SPINT2: variants seen among roughly 807,000 people sequenced by gnomAD.
The protein encoded by SPINT2 is serine peptidase inhibitor, Kunitz type 2.
In SPINT2, 18 loss-of-function variants were observed where a neutral mutation model predicts 30.1. The ratio of observed to expected loss-of-function variants is 0.60; its 90% CI spans 0.41 to 0.89. The LOEUF (loss-of-function observed/expected upper bound fraction) is 0.89. SPINT2 is among the 40% of genes least tolerant of loss of function. The pLI is 0.00. For missense variants in SPINT2, 276 were observed against 334.3 expected (o/e 0.83, Z 1.36); for synonymous variants, 139 against 137.9 (o/e 1.01, Z -0.05).
chr19:38,291,753 C>T (rs970649175), intron 6 of SPINT2, 87 bp from the exon 7 acceptor site: 37 of 1,521,980 alleles, frequency 2.4e-5, no homozygotes, highest in Non-Finnish European at 2.8e-5. Context: ...GCTGAGCCCA[C>T]CTGGATTCCC....
In SPINT2 at chr19:38,289,484, CAAAAAAAAAA is replaced by C. The variant is rs58140440; in HGVS notation, c.391+313_391+322del. The C allele has an allele frequency of 1.2e-3, 45 of 36,068 alleles. 1 individual carries two copies. The highest frequency in any genetic ancestry group is 4.4e-3 in the Admixed American group (12 of 2,754). 2.2% of individuals were successfully genotyped at this position (36,068 alleles called of 1,614,324 possible). Reference sequence around the variant, plus strand: ...TGGGCAACAGAGTGAGACTCTGTCTCAAAAAAAAAAAAAAAAAAAAAAAAAAAAACTCCGA... The same window carrying C: ...TGGGCAACAGAGTGAGACTCTGTCTCAAAAAAAAAAAAAAAAAAACTCCGA... On this transcript the variant is annotated intron_variant, in intron 4 of 6. Coordinates refer to ENST00000301244, the MANE Select transcript of SPINT2 (RefSeq NM_021102.4).
chr19:38,269,650 G>A (rs1216387420), intron 1 of SPINT2, among the ~76,000 whole-genome samples: 3 of 135,666 alleles, frequency 2.2e-5, no homozygotes, highest in South Asian at 2.3e-4. Context: ...TCGCTCTGTC[G>A]CCCAGGCCGG....
At position 38,283,643 on chromosome 19, in the gene SPINT2, G is replaced by A. The variant is rs1317452578; in HGVS notation, c.123G>A (p.Ser41=). 5.0e-6 allele frequency: 8 copies of A among 1,613,908 alleles called. No homozygotes were observed. The highest frequency in any genetic ancestry group is 3.3e-4 in the Middle Eastern group (2 of 6,078). Residue 41 remains serine, a synonymous_variant, in exon 2 of 7, where the codon TCG becomes TCA. Transcript: ENST00000301244. ...GCGTTTCAGACTTCTGCCTGGTGTC[G>A]AAGGTGGTGGGCAGATGCCGGGCCT... ...ERSIHDFCLV[S]KVVGRCRASM...
intron 1 of SPINT2, among the ~76,000 whole-genome samples, chr19:38,283,290 G>A (rs1968601745): frequency 6.6e-6 from 1 of 152,208 alleles, no homozygotes; most frequent in South Asian, 2.1e-4. Flanking sequence ...ACTCCAGCCT[G>A]GCGATGGAGT....
At chr19:38,268,241 CAA>C (rs898512534) in intron 1 of SPINT2, among the ~76,000 whole-genome samples, 3 of 152,060 alleles carry the variant, frequency 2.0e-5, no homozygotes, top group Admixed American at 6.6e-5. Flanking sequence ...ACGGGCCGGA[CAA>C]AGAGTGTCCT....
Position 38,290,004 on chromosome 19 carries a change from C to G in SPINT2, c.392-115C>G. On this transcript the variant is annotated intron_variant, in intron 4 of 6. Coordinates refer to ENST00000301244, the MANE Select transcript of SPINT2 (RefSeq NM_021102.4). This position sits in a 1 kb window ranked among gnomAD's most constrained non-coding sequence, Gnocchi z 4.3. ...GGGTGTAATTTACAGGCTTCTTTAC[C>G]AGAGAGATGTTTCTCCGTCTGCTGG... 8.6e-7 allele frequency: 1 copy of G among 1,161,600 alleles called. No individual in the cohort carries two copies. The highest frequency in any genetic ancestry group is 1.2e-5 in the South Asian group (1 of 80,556). 72.0% of individuals were successfully genotyped at this position (1,161,600 alleles called of 1,614,324 possible). A position where few individuals can be genotyped will look rare whatever the true frequency, so the allele number is the denominator to read the frequency against.
intron 6 of SPINT2, chr19:38,291,593 G>A: frequency 1.5e-5 from 8 of 529,478 alleles, no homozygotes; most frequent in Non-Finnish European, 2.7e-5. Context: ...TGACTACTCT[G>A]CTGGCGACAC....
In SPINT2 at chr19:38,290,129, C is replaced by T. The variant is rs376894698; in HGVS notation, c.402C>T (p.Thr134=). 138 of 1,612,392 alleles carry T rather than the reference C, an allele frequency of 8.6e-5. 1 individual carries two copies. The Middle Eastern group carries it at 1.1e-3, about 12-fold the overall frequency. The change falls in exon 5 of 7, where the codon ACC becomes ACT. Residue 134 remains threonine, a synonymous_variant. Transcript: ENST00000301244. This position sits in a 1 kb window ranked among gnomAD's most constrained non-coding sequence, Gnocchi z 4.3. ...CTGTCTTACTCCTAGAATACTGCAC[C>T]GCCAACGCAGTCACTGGGCCTTGCC... is the stretch of plus-strand genomic sequence containing the variant. ...SDMFNYEEYC[T]ANAVTGPCRA...
intron 4 of SPINT2, chr19:38,289,416 C>T (rs974861504): frequency 1.4e-5 from 5 of 345,300 alleles, no homozygotes; most frequent in Admixed American, 1.2e-4. Flanking sequence ...GCCTGGGAGG[C>T]GGAGGGTGCA....
chr19:38,290,160 T>C lies in SPINT2; in HGVS notation c.433T>C (p.Ser145Pro). 9 of 1,612,658 alleles carry C rather than the reference T, an allele frequency of 5.6e-6. No individual in the cohort carries two copies. The highest frequency in any genetic ancestry group is 5.9e-6 in the Non-Finnish European group (7 of 1,180,030). The change falls in exon 5 of 7, where the codon TCC (serine) becomes CCC (proline). Residue 145 changes from serine (S) to proline (P), a missense_variant. Ser to Pro is a moderately conservative substitution (Grantham distance 74, BLOSUM62 -1). Coordinates refer to ENST00000301244, the MANE Select transcript of SPINT2 (RefSeq NM_021102.4). The surrounding 1 kb of genome is among the most constrained non-coding windows in gnomAD (Gnocchi z 4.3). ...CGCAGTCACTGGGCCTTGCCGTGCA[T>C]CCTTCCCACGCTGGTACTTTGACGT... The part of the protein sequence containing the change: ...ANAVTGPCRA[S>P]FPRWYFDVER...
Position 38,290,011 on chromosome 19 carries a change from A to C in SPINT2, c.392-108A>C. ...ATTTACAGGCTTCTTTACCAGAGAGATGTTTCTCCGTCTGCTGGAGCCGCA... is the reference window on the plus strand; with the variant it reads ...ATTTACAGGCTTCTTTACCAGAGAGCTGTTTCTCCGTCTGCTGGAGCCGCA... On this transcript the variant is annotated intron_variant, in intron 4 of 6. Transcript: ENST00000301244. This position sits in a 1 kb window ranked among gnomAD's most constrained non-coding sequence, Gnocchi z 4.3. 2 of 1,196,990 alleles carry C rather than the reference A, an allele frequency of 1.7e-6. No homozygotes were observed. The highest frequency in any genetic ancestry group is 2.5e-5 in the South Asian group (2 of 81,524). The allele number at this position is 1,196,990 out of a possible 1,614,324, so 74.1% of individuals were successfully genotyped here.
At chr19:38,271,211 GC>G (rs1469185292) in intron 1 of SPINT2, among the ~76,000 whole-genome samples, 2 of 152,186 alleles carry the variant, frequency 1.3e-5, no homozygotes, top group African/African-American at 4.8e-5. Flanking sequence ...TGAGGGCGAG[GC>G]CGGGCGCGGT....
At chr19:38,273,425 A>G (rs189710202) in intron 1 of SPINT2, among the ~76,000 whole-genome samples, 13 of 151,172 alleles carry the variant, frequency 8.6e-5, no homozygotes, top group African/African-American at 3.2e-4. Context: ...GTTTTCTTGA[A>G]CTCCTGACTT....
chr19:38,281,552 A>C (rs557577156), intron 1 of SPINT2, among the ~76,000 whole-genome samples: 15 of 152,142 alleles, frequency 9.9e-5, no homozygotes, highest in Non-Finnish European at 1.9e-4. Flanking sequence ...TCTACTAAAA[A>C]TACAAAATTA....
intron 1 of SPINT2, among the ~76,000 whole-genome samples, chr19:38,269,070 C>T (rs945578971): frequency 6.6e-6 from 1 of 151,934 alleles, no homozygotes; most frequent in Non-Finnish European, 1.5e-5. Context: ...GGCTTAAGGT[C>T]TTTTGTTTTT....
At chr19:38,283,600 C>CTA in intron 1 of SPINT2, 27 bp from the exon 2 acceptor site, 1 of 1,613,654 alleles carries the variant, frequency 6.2e-7, no homozygotes, top group Non-Finnish European at 8.5e-7. Flanking sequence ...CCCTGCCAAG[C>CTA]TAACCGGGTT....
In SPINT2 at chr19:38,287,942, T is replaced by C; in HGVS notation, c.337+7T>C. ...GATTCCTCTGTCCCAAGTGGTAGGT[T>C]CTTAAAGAGACCCGCGATGGAGTGA... is the stretch of plus-strand genomic sequence containing the variant. On this transcript the variant is annotated splice_region_variant and intron_variant, in intron 3 of 6. Coordinates refer to ENST00000301244, the MANE Select transcript of SPINT2 (RefSeq NM_021102.4). 1 of 1,614,146 alleles carries C rather than the reference T, an allele frequency of 6.2e-7. No homozygotes were observed. The highest frequency in any genetic ancestry group is 8.5e-7 in the Non-Finnish European group (1 of 1,179,990).
chr19:38,284,705 TC>T (rs1288170871), intron 2 of SPINT2, among the ~76,000 whole-genome samples: 1 of 152,148 alleles, frequency 6.6e-6, no homozygotes, highest in Non-Finnish European at 1.5e-5. Flanking sequence ...GGCTTTTTGA[TC>T]CACTCCGACA....
At chr19:38,272,219 A>G (rs1200356073) in intron 1 of SPINT2, among the ~76,000 whole-genome samples, 1 of 152,114 alleles carries the variant, frequency 6.6e-6, no homozygotes, top group African/African-American at 2.4e-5. Context: ...TTTATATGTG[A>G]TAGTTTGTCC....
Sources: gnomAD v4.1 joint callset for allele counts (sites outside exome capture counted in the v4.1 genomes callset) on GRCh38, gnomAD v4.1.1 for gene constraint, Gnocchi (gnomAD v3.1) non-coding constraint, MANE v1.5 for transcripts, NCBI Gene and HGNC (gene_info 2026-07-23, HGNC 2026-07-21) for gene names.